URGCP: variants seen among roughly 807,000 people sequenced by gnomAD.
URGCP encodes up-regulator of cell proliferation.
In URGCP, 13 loss-of-function variants were observed where a neutral mutation model predicts 24.6. The observed-to-expected ratio is 0.53, with a 90% CI of 0.34 to 0.84. The LOEUF is 0.84. Ranked by LOEUF, URGCP falls within the 40% of genes least tolerant of loss-of-function variation. The probability of loss-of-function intolerance (pLI) is 0.01; values close to 1 mark genes in which losing one functional copy is unlikely to be tolerated. For synonymous variants in URGCP, 444 were observed against 487.2 expected (o/e 0.91, Z 1.17); for missense variants, 899 against 1,194.3 (o/e 0.75, Z 3.64).
chr7:43,921,299 C>A (rs1489049001), intron 1 of URGCP, among the ~76,000 whole-genome samples: 3 of 150,972 alleles, frequency 2.0e-5, no homozygotes, highest in Non-Finnish European at 4.4e-5. Context: ...GCACTCCAGC[C>A]TGGGCGAAAT....
At chr7:43,895,039 C>CA (rs930229565) in intron 1 of URGCP, among the ~76,000 whole-genome samples, 6 of 151,084 alleles carry the variant, frequency 4.0e-5, no homozygotes, top group South Asian at 2.1e-4. Context: ...CAAATTTAAA[C>CA]AAAAAAAACA....
At chr7:43,915,769 G>A (rs952501138) in intron 1 of URGCP, among the ~76,000 whole-genome samples, 1 of 152,380 alleles carries the variant, frequency 6.6e-6, no homozygotes, top group Non-Finnish European at 1.5e-5. Flanking sequence ...AGCACTTTGG[G>A]AGGCTGAGGC....
Position 43,900,477 on chromosome 7 carries a change from A to C in URGCP, c.14+6085T>G, listed in dbSNP as rs1185854445. On this transcript the variant is annotated intron_variant, in intron 1 of 5. Coordinates refer to ENST00000453200, the MANE Select transcript of URGCP (RefSeq NM_001077663.3). Reference sequence around the variant, plus strand: ...CTCAAAAAAAACCAAAACAAAAAAAAAAAAAAAAAGAAAAAGAAAAAAAGT... The same window carrying C: ...CTCAAAAAAAACCAAAACAAAAAAACAAAAAAAAAGAAAAAGAAAAAAAGT... Among the ~76,000 whole-genome samples the C allele has an allele frequency of 2.4e-3, 359 of 149,294 alleles. 2 individuals carry two copies. Among genetic ancestry groups the C allele is most frequent in the Non-Finnish European group, 3.8e-3 (253 of 67,150 alleles).
At position 43,876,872 on chromosome 7, in the gene URGCP, C is replaced by A; in HGVS notation, c.2591G>T (p.Gly864Val). ...KQGDGFRALA[G>V]LAFCDPEKQH... ...CTTCTCAGGGTCGCAGAAGGCCAGGCCTGCCAGTGCCCGGAAGCCGTCGCC... is the reference window on the plus strand; with the variant it reads ...CTTCTCAGGGTCGCAGAAGGCCAGGACTGCCAGTGCCCGGAAGCCGTCGCC... Residue 864 changes from glycine to valine, a missense_variant, in exon 6 of 6, where the codon GGC (glycine) becomes GTC (valine). Coordinates refer to ENST00000453200, the MANE Select transcript of URGCP (RefSeq NM_001077663.3). 1 of 1,614,068 alleles carries A rather than the reference C, an allele frequency of 6.2e-7. No individual in the cohort carries two copies. The highest frequency in any genetic ancestry group is 1.1e-5 in the South Asian group (1 of 91,084).
rs1049774740 is a variant in URGCP at position 43,906,388 on chromosome 7, G to A, written c.14+174C>T. On this transcript the variant is annotated intron_variant, in intron 1 of 5. Coordinates refer to ENST00000453200, the MANE Select transcript of URGCP (RefSeq NM_001077663.3). ...CCCCCCACGCCCGCGCGGCCGGTCC[G>A]CCCAAGGTCGGCGCGAGCGGGCCGT... is the stretch of plus-strand genomic sequence containing the variant. 1.9e-4 allele frequency: 133 copies of A among 717,912 alleles called. 3 individuals carry two copies. The South Asian group carries it at 4.9e-3, about 26-fold the overall frequency. The allele number at this position is 717,912 out of a possible 1,614,324, so 44.5% of individuals were successfully genotyped here. A position where few individuals can be genotyped will look rare whatever the true frequency, so the allele number is the denominator to read the frequency against.
At chr7:43,887,286 GC>G (rs2095863570) in intron 3 of URGCP, 128 bp downstream of exon 3, 1 of 1,048,430 alleles carries the variant, frequency 9.5e-7, no homozygotes, top group African/African-American at 1.6e-5. Context: ...AAAAATAAAA[GC>G]CTTAAACTTA....
At position 43,878,791 on chromosome 7, in the gene URGCP, G is replaced by A. The variant is rs1250326077; in HGVS notation, c.672C>T (p.Tyr224=). The A allele has an allele frequency of 1.2e-5, 20 of 1,613,954 alleles. No homozygotes were observed. In the Admixed American group the frequency reaches 1.5e-4, roughly 12 times the overall value. Residue 224 remains tyrosine, a synonymous_variant, in exon 6 of 6, where the codon TAC becomes TAT. Transcript: ENST00000453200. This position sits in a 1 kb window ranked among gnomAD's most constrained non-coding sequence, Gnocchi z 5.6. ...PLVLPDSENH[Y]HTFLLWAMRG... ...GCATGGCCCACAGCAGAAATGTATG[G>A]TAGTGGTTCTCCGAGTCAGGCAACA...
chr7:43,880,685 T>C (rs1264293781), intron 5 of URGCP, among the ~76,000 whole-genome samples: 1 of 152,238 alleles, frequency 6.6e-6, no homozygotes. Flanking sequence ...ATGATCTGCC[T>C]GCCTCAGCCT....
Position 43,925,798 on chromosome 7 carries a change from C to CATTTT in URGCP, c.-116+333_-116+334insAAAAT, listed in dbSNP as rs1233416191. On this transcript the variant is annotated intron_variant, in intron 1 of 5. Coordinates refer to the URGCP transcript ENST00000426198. ...TATAGGCGTGAGCCACCTCGTCTGGCTTTTTTTTTTTTTTTTTCAAAAAAA... is the reference window on the plus strand; with the variant it reads ...TATAGGCGTGAGCCACCTCGTCTGGCATTTTTTTTTTTTTTTTTTTTTCAAAAAAA... Among the ~76,000 whole-genome samples, 3 of 116,576 alleles carry CATTTT rather than the reference C, an allele frequency of 2.6e-5. No homozygotes were observed. In the South Asian group the frequency reaches 1.0e-3, roughly 40 times the overall value. 76.5% of individuals were successfully genotyped at this position (116,576 alleles called of 152,430 possible). A position where few individuals can be genotyped will look rare whatever the true frequency, so the allele number is the denominator to read the frequency against.
intron 1 of URGCP, among the ~76,000 whole-genome samples, chr7:43,901,882 G>A (rs1032789802): frequency 6.6e-6 from 1 of 152,172 alleles, no homozygotes; most frequent in Non-Finnish European, 1.5e-5. Flanking sequence ...GACAGCCAAT[G>A]GATGTTAATG....
At chr7:43,918,660 G>A (rs62458684) in intron 1 of URGCP, 74,325 of 619,260 alleles carry the variant, frequency 0.12, 5,051 homozygotes, top group Admixed American at 0.19. Context: ...GCAGCGTTGC[G>A]GGTGGGAGCG....
chr7:43,910,062 C>T (rs2095908343), upstream of URGCP, among the ~76,000 whole-genome samples: 1 of 151,680 alleles, frequency 6.6e-6, no homozygotes, highest in Non-Finnish European at 1.5e-5. Flanking sequence ...TAAAAGACAC[C>T]CTGTTACAAG....
Position 43,878,755 on chromosome 7 carries a change from C to T in URGCP, c.708G>A (p.Val236=), listed in dbSNP as rs756976581. The change falls in exon 6 of 6, where the codon GTG becomes GTA. Residue 236 remains valine (V), a synonymous_variant. Coordinates refer to ENST00000453200, the MANE Select transcript of URGCP (RefSeq NM_001077663.3). This position sits in a 1 kb window ranked among gnomAD's most constrained non-coding sequence, Gnocchi z 5.6. ...TFLLWAMRGI[V]RTWWSQPPRG... Reference sequence around the variant, plus strand: ...TTGGGGGCTGGGACCACCATGTCCTCACAATGCCCCGCATGGCCCACAGCA... The same window carrying T: ...TTGGGGGCTGGGACCACCATGTCCTTACAATGCCCCGCATGGCCCACAGCA... The T allele has an allele frequency of 6.2e-7, 1 of 1,614,098 alleles. No individual in the cohort carries two copies. The highest frequency in any genetic ancestry group is 8.5e-7 in the Non-Finnish European group (1 of 1,179,984).
At chr7:43,910,382 A>ATTTTTTTTTT (rs1158648185), upstream of URGCP, among the ~76,000 whole-genome samples, 1 of 90,088 alleles carries the variant, frequency 1.1e-5, no homozygotes, top group Non-Finnish European at 2.0e-5. Context: ...TGTCTGGCTA[A>ATTTTTTTTTT]TTTTTTTTTT....
chr7:43,876,814 G>A lies in URGCP; in HGVS notation c.2649C>T (p.His883=), dbSNP rs61732517. The A allele has an allele frequency of 3.9e-3, 6,375 of 1,614,168 alleles. 208 individuals are homozygous for A. In the African/African-American group the frequency reaches 0.072, roughly 18 times the overall value. ...TCACTGCGGCCATGGGAGGTGCTCCGTGCCACAGGCCTGGGATGTGCCAGA... is the reference window on the plus strand; with the variant it reads ...TCACTGCGGCCATGGGAGGTGCTCCATGCCACAGGCCTGGGATGTGCCAGA... ...QHIWHIPGLW[H]GAPPMAAVSL... The change falls in exon 6 of 6, where the codon CAC becomes CAT. Residue 883 remains histidine (H), a synonymous_variant. Coordinates refer to ENST00000453200, the MANE Select transcript of URGCP (RefSeq NM_001077663.3).
In URGCP at chr7:43,879,265, G is replaced by C; in HGVS notation, c.203-5C>G. ...CTTGAAGCCTGCTTCTCTCCACTGT[G>C]GAAAGAAATGAAGACATAAGTGCTC... On this transcript the variant is annotated splice_region_variant and splice_polypyrimidine_tract_variant and intron_variant, in intron 5 of 5. Transcript: ENST00000453200. The C allele has an allele frequency of 6.2e-7, 1 of 1,600,302 alleles. No homozygotes were observed. Among genetic ancestry groups the C allele is most frequent in the Non-Finnish European group, 8.5e-7 (1 of 1,175,488 alleles).
intron 1 of URGCP, among the ~76,000 whole-genome samples, chr7:43,892,293 G>A (rs1018332014): frequency 2.1e-5 from 3 of 142,672 alleles, no homozygotes; most frequent in African/African-American, 2.7e-5. Flanking sequence ...GTGCAATCTC[G>A]GCTCACTGCA....
rs2095845316 is a variant in URGCP, at chr7:43,876,874, T to C, written c.2589A>G (p.Ala863=). ...EKQGDGFRAL[A]GLAFCDPEKQ... is the part of the protein sequence containing the mutation. ...TCTCAGGGTCGCAGAAGGCCAGGCC[T>C]GCCAGTGCCCGGAAGCCGTCGCCCT... Residue 863 remains alanine, a synonymous_variant, in exon 6 of 6, where the codon GCA becomes GCG. Transcript: ENST00000453200. 1 of 1,614,076 alleles carries C rather than the reference T, an allele frequency of 6.2e-7. No individual in the cohort carries two copies. Among genetic ancestry groups the C allele is most frequent in the Non-Finnish European group, 8.5e-7 (1 of 1,180,022 alleles).
At chr7:43,893,912 C>T (rs1562580645) in intron 1 of URGCP, among the ~76,000 whole-genome samples, 1 of 151,986 alleles carries the variant, frequency 6.6e-6, no homozygotes, top group Non-Finnish European at 1.5e-5. Flanking sequence ...AAAAATATTC[C>T]ATGCAAATGG....
Sources: allele counts gnomAD v4.1 joint callset (sites outside exome capture counted in the v4.1 genomes callset), GRCh38; gene constraint gnomAD v4.1.1; non-coding constraint Gnocchi (gnomAD v3.1); transcripts MANE v1.5; gene names NCBI Gene and HGNC (gene_info 2026-07-23, HGNC 2026-07-21).